FGF14: variants seen among roughly 807,000 people sequenced by gnomAD.
The protein encoded by FGF14 is fibroblast growth factor homologous factor 4.
In FGF14, 5 loss-of-function variants were observed where a neutral mutation model predicts 25.5. That is an observed-to-expected ratio of 0.20 (90% CI 0.10 to 0.41). The LOEUF (loss-of-function observed/expected upper bound fraction) is 0.41. FGF14 is among the 10% of genes least tolerant of loss of function. FGF14 has a pLI of 1.00. For synonymous variants in FGF14, 138 were observed against 118.3 expected (o/e 1.17, Z -1.08); for missense variants, 222 against 320.1 (o/e 0.69, Z 2.34).
intron 1 of FGF14, among the ~76,000 whole-genome samples, chr13:101,953,570 G>GTGTGTGTGTGTATATATA (rs532696085): frequency 1.8e-3 from 253 of 138,112 alleles, no homozygotes; most frequent in African/African-American, 6.1e-3. Flanking sequence ...GTGTGTGTGT[G>GTGTGTGTGTGTATATATA]TATATATATA....
intron 1 of FGF14, among the ~76,000 whole-genome samples, chr13:102,145,048 T>C (rs1381190302): frequency 2.0e-5 from 3 of 152,220 alleles, no homozygotes; most frequent in Admixed American, 6.5e-5. Context: ...TGTTATGCTA[T>C]CTGACTAATG....
At chr13:101,788,893 TATATATATATATATATAGAGAG>T (rs1208408117) in intron 3 of FGF14, among the ~76,000 whole-genome samples, 8 of 48,152 alleles carry the variant, frequency 1.7e-4, no homozygotes, top group East Asian at 5.7e-4. Context: ...TATATATATA[TATATATATATATATATAGAGAG>T]AGAGAGAGAG....
In FGF14 at chr13:102,400,651, T is replaced by C. The variant is rs549070981; in HGVS notation, c.208+820A>G. 8.5e-5 allele frequency among the ~76,000 whole-genome samples: 13 copies of C among 152,330 alleles called. No homozygotes were observed. The South Asian group carries it at 2.7e-3, about 32-fold the overall frequency. On this transcript the variant is annotated intron_variant, in intron 1 of 4. Coordinates refer to the FGF14 transcript ENST00000376131. The surrounding 1 kb of genome is among the most constrained non-coding windows in gnomAD (Gnocchi z 4.3). The stretch of plus-strand genomic sequence containing the variant: ...ATGTAATGTACTGCAAGTTCCCTTG[T>C]TGGAGCCCTTTGGAATCGGGGCGCA...
chr13:101,997,181 G>A (rs575351204), intron 1 of FGF14, among the ~76,000 whole-genome samples: 88 of 152,156 alleles, frequency 5.8e-4, no homozygotes, highest in African/African-American at 1.9e-3. Flanking sequence ...GTCTTTCCCC[G>A]GTAGAAAACA....
rs547597828 is a variant in FGF14, at chr13:102,395,315, C to T, written c.208+6156G>A. ...AAATGAAGGGTCTGGCAACTATGAACCTAATGGTGCCCTAACGTTTGCTAT... is the reference window on the plus strand; with the variant it reads ...AAATGAAGGGTCTGGCAACTATGAATCTAATGGTGCCCTAACGTTTGCTAT... On this transcript the variant is annotated intron_variant, in intron 1 of 4. Transcript: ENST00000376131. The T allele has an allele frequency of 9.9e-5, 15 of 152,270 alleles. No individual in the cohort carries two copies. In the East Asian group the frequency reaches 2.5e-3, roughly 25 times the overall value. 9.4% of individuals were successfully genotyped at this position (152,270 alleles called of 1,614,324 possible).
At chr13:102,386,418 C>T (rs190613998) in intron 1 of FGF14, among the ~76,000 whole-genome samples, 67 of 152,244 alleles carry the variant, frequency 4.4e-4, no homozygotes, top group African/African-American at 1.5e-3. Flanking sequence ...AGGTGTCAGC[C>T]ATCGCGCCTG....
At chr13:102,131,905 A>G (rs186941345) in intron 1 of FGF14, among the ~76,000 whole-genome samples, 1 of 152,354 alleles carries the variant, frequency 6.6e-6, no homozygotes, top group South Asian at 2.1e-4. Flanking sequence ...TAGGAAAGTC[A>G]ATATTACCAA....
At chr13:102,168,690 A>T (rs1014377508) in intron 1 of FGF14, among the ~76,000 whole-genome samples, 10 of 152,180 alleles carry the variant, frequency 6.6e-5, no homozygotes, top group African/African-American at 1.9e-4. Context: ...CCATAGGCAC[A>T]AATGTCACTT....
intron 1 of FGF14, among the ~76,000 whole-genome samples, chr13:102,359,061 C>T (rs184381449): frequency 8.9e-4 from 136 of 152,186 alleles, no homozygotes; most frequent in Admixed American, 1.4e-3. Flanking sequence ...AGCAAACTAA[C>T]GCAGAAACAG....
rs144049486 is a variant in FGF14, at chr13:101,888,599, TTATGATGGAGGA to T, written c.194-13315_194-13304del. 6.3e-3 allele frequency among the ~76,000 whole-genome samples: 954 copies of T among 152,274 alleles called. 23 individuals carry two copies. The highest frequency in any genetic ancestry group is 0.043 in the Admixed American group (656 of 15,280). ...TTTTAATCAAGCTTACTCTGTTGCC[TTATGATGGAGGA>T]TATATAACAAGATCATTAGTAGACA... On this transcript the variant is annotated intron_variant, in intron 1 of 4. Transcript: ENST00000376143.
At chr13:102,013,886 C>T (rs16959591) in intron 1 of FGF14, among the ~76,000 whole-genome samples, 13,050 of 152,094 alleles carry the variant, frequency 0.086, 1,253 homozygotes, top group African/African-American at 0.24. Context: ...TAACAGCTTG[C>T]AAGAGGCATA....
chr13:101,807,006 T>C (rs866357612), intron 3 of FGF14, among the ~76,000 whole-genome samples: 1 of 152,016 alleles, frequency 6.6e-6, no homozygotes, highest in Non-Finnish European at 1.5e-5. Flanking sequence ...CAGCATAACA[T>C]AGCACACTAA....
intron 3 of FGF14, among the ~76,000 whole-genome samples, chr13:101,732,674 G>A (rs1489409162): frequency 6.6e-6 from 1 of 151,768 alleles, no homozygotes; most frequent in African/African-American, 2.4e-5. Context: ...AGATAAGAGA[G>A]GTGAAAAATA....
intron 1 of FGF14, among the ~76,000 whole-genome samples, chr13:101,886,556 T>G (rs961475881): frequency 6.6e-6 from 1 of 152,134 alleles, no homozygotes; most frequent in African/African-American, 2.4e-5. Context: ...TATTAAAGAT[T>G]TAAATGTAAT....
chr13:101,809,362 C>T (rs1421643406), intron 3 of FGF14, among the ~76,000 whole-genome samples: 1 of 152,096 alleles, frequency 6.6e-6, no homozygotes, highest in African/African-American at 2.4e-5. Flanking sequence ...TCAATAGTCT[C>T]ATGTCCTATC....
In FGF14 at chr13:102,345,534, C is replaced by T. The variant is rs187448933; in HGVS notation, c.208+55937G>A. 4.3e-3 allele frequency among the ~76,000 whole-genome samples: 656 copies of T among 152,296 alleles called. 5 individuals are homozygous for T. The highest frequency in any genetic ancestry group is 0.015 in the African/African-American group (612 of 41,556). On this transcript the variant is annotated intron_variant, in intron 1 of 4. Coordinates refer to the FGF14 transcript ENST00000376131. ...AGCATGCCTTTTCCCCCATCCCTTT[C>T]TAAAGTAAAAAGCTGGAGCATGCTT... is the stretch of plus-strand genomic sequence containing the variant.
chr13:102,161,564 GTGAAGAAAGAAAGAAGA>G lies in FGF14; in HGVS notation c.208+239890_208+239906del, dbSNP rs2047630127. Among the ~76,000 whole-genome samples, 25 of 8,700 alleles carry G rather than the reference GTGAAGAAAGAAAGAAGA, an allele frequency of 2.9e-3. 2 individuals are homozygous for G. The highest frequency in any genetic ancestry group is 3.2e-3 in the Non-Finnish European group (18 of 5,554). The allele number at this position is 8,700 out of a possible 152,430, so 5.7% of individuals were successfully genotyped here. ...ATATTCTCTATGCAACCAACTTTCT[GTGAAGAAAGAAAGAAGA>G]AGAAGAAGAAGAAGAAGAAGAAGAA... On this transcript the variant is annotated intron_variant, in intron 1 of 4. Transcript: ENST00000376131.
intron 1 of FGF14, among the ~76,000 whole-genome samples, chr13:101,939,411 TCTTA>T (rs1424784546): frequency 6.6e-6 from 1 of 152,208 alleles, no homozygotes; most frequent in African/African-American, 2.4e-5. Flanking sequence ...TCAGTCCATT[TCTTA>T]CTTTATTTTT....
intron 1 of FGF14, among the ~76,000 whole-genome samples, chr13:101,932,533 C>CA (rs60522790): frequency 1.2e-3 from 98 of 78,966 alleles, no homozygotes; most frequent in South Asian, 6.5e-3. Context: ...GACTCCATGT[C>CA]AAAAAAAAAA....
Sources: allele counts gnomAD v4.1 joint callset (sites outside exome capture counted in the v4.1 genomes callset), GRCh38; gene constraint gnomAD v4.1.1; non-coding constraint Gnocchi (gnomAD v3.1); transcripts MANE v1.5; gene names NCBI Gene and HGNC (gene_info 2026-07-23, HGNC 2026-07-21).